MEOX2: variants seen among roughly 807,000 people sequenced by gnomAD.
MEOX2 encodes the protein mesenchyme homeobox 2.
A neutral mutation model predicts 27.0 loss-of-function variants in MEOX2; 11 were observed. The ratio of observed to expected loss-of-function variants is 0.41; its 90% CI spans 0.26 to 0.68. The LOEUF is 0.68. Ranked by LOEUF, MEOX2 falls within the 30% of genes least tolerant of loss-of-function variation. MEOX2 has a pLI of 0.33. For missense variants in MEOX2, 436 were observed against 385.4 expected (o/e 1.13, Z -1.10); for synonymous variants, 189 against 155.4 (o/e 1.22, Z -1.61).
At chr7:15,651,801 G>T (rs1418290324) in intron 1 of MEOX2, among the ~76,000 whole-genome samples, 1 of 151,902 alleles carries the variant, frequency 6.6e-6, no homozygotes, top group Non-Finnish European at 1.5e-5. Flanking sequence ...AACATTTAAT[G>T]GCTTCTACCT....
intron 1 of MEOX2, among the ~76,000 whole-genome samples, chr7:15,635,345 T>C (rs1405169577): frequency 6.6e-6 from 1 of 151,976 alleles, no homozygotes; most frequent in Non-Finnish European, 1.5e-5. Context: ...TGCCATTTAA[T>C]TGTGATACTA....
intron 1 of MEOX2, among the ~76,000 whole-genome samples, chr7:15,640,278 GTGTT>G (rs1374193566): frequency 6.6e-6 from 1 of 151,694 alleles, no homozygotes; most frequent in African/African-American, 2.4e-5. Context: ...GTGTGTGTGT[GTGTT>G]TCTGGCTACC....
At chr7:15,640,071 G>A (rs1178251768) in intron 1 of MEOX2, among the ~76,000 whole-genome samples, 2 of 152,032 alleles carry the variant, frequency 1.3e-5, no homozygotes, top group African/African-American at 4.8e-5. Context: ...ATCACTTTGG[G>A]CAAATATAGT....
intron 2 of MEOX2, among the ~76,000 whole-genome samples, chr7:15,623,820 A>G (rs1171072513): frequency 1.3e-5 from 2 of 152,240 alleles, no homozygotes; most frequent in Non-Finnish European, 2.9e-5. Context: ...GACATTCTAC[A>G]CTCATAACAA....
intron 2 of MEOX2, among the ~76,000 whole-genome samples, chr7:15,619,699 T>C (rs1051640886): frequency 6.6e-6 from 1 of 152,058 alleles, no homozygotes; most frequent in Non-Finnish European, 1.5e-5. Context: ...ACTATACATA[T>C]GTCTACCTAT....
At position 15,612,406 on chromosome 7, in the gene MEOX2, G is replaced by T; in HGVS notation, c.896C>A (p.Ser299Ter). ...TTTATATCATAAGTGCGCATGCTCT[G>T]AGCTGTGGTCACTGTCGTGACTGTC... ...NEDSHDSDHS[S>*]EHAHL Residue 299 changes from serine to a stop codon, truncating the protein, a stop_gained, in exon 3 of 3, where the codon TCA becomes TAA. Transcript: ENST00000262041. LOFTEE classifies it high-confidence loss of function. 6.2e-7 allele frequency: 1 copy of T among 1,614,004 alleles called. No homozygotes were observed. Among genetic ancestry groups the T allele is most frequent in the Non-Finnish European group, 8.5e-7 (1 of 1,179,920 alleles).
At chr7:15,650,870 T>C (rs1381368649) in intron 1 of MEOX2, among the ~76,000 whole-genome samples, 2 of 152,196 alleles carry the variant, frequency 1.3e-5, no homozygotes, top group East Asian at 3.9e-4. Context: ...GCCTGCCTTT[T>C]ATTAAAAGGG....
At chr7:15,661,713 T>C (rs1377518254) in intron 1 of MEOX2, among the ~76,000 whole-genome samples, 1 of 152,088 alleles carries the variant, frequency 6.6e-6, no homozygotes, top group East Asian at 1.9e-4. Context: ...CTGGTAACGA[T>C]TAGGGCAGTG....
At chr7:15,635,691 G>C (rs1489364235) in intron 1 of MEOX2, among the ~76,000 whole-genome samples, 1 of 151,334 alleles carries the variant, frequency 6.6e-6, no homozygotes, top group African/African-American at 2.4e-5. Context: ...GGAAAATTTT[G>C]TTTTTAAAAT....
chr7:15,613,266 A>T (rs1204168704), intron 2 of MEOX2, among the ~76,000 whole-genome samples: 1 of 152,088 alleles, frequency 6.6e-6, no homozygotes, highest in Non-Finnish European at 1.5e-5. Flanking sequence ...TTAAATGCTA[A>T]CACCAAGATT....
rs747111834 is a variant in MEOX2 at position 15,612,445 on chromosome 7, G to C, written c.857C>G (p.Ser286Cys). The change falls in exon 3 of 3, where the codon TCT becomes TGT. Residue 286 changes from serine (S) to cysteine (C), a missense_variant. Transcript: ENST00000262041. ...GAATLQQTGDSIANEDSHDSD... is the reference protein window; with the variant it reads ...GAATLQQTGDCIANEDSHDSD... ...GTCGTGACTGTCTTCATTTGCTATA[G>C]AGTCCCCTGTTTGCTGGAGGGTGGC... The C allele has an allele frequency of 1.2e-6, 2 of 1,614,146 alleles. No homozygotes were observed.
At chr7:15,613,975 G>C (rs1781076963) in intron 2 of MEOX2, among the ~76,000 whole-genome samples, 1 of 151,580 alleles carries the variant, frequency 6.6e-6, no homozygotes, top group Non-Finnish European at 1.5e-5. Flanking sequence ...AATGTATGCT[G>C]TTTCTTTTTC....
intron 1 of MEOX2, among the ~76,000 whole-genome samples, chr7:15,640,526 G>A (rs1339542525): frequency 1.3e-5 from 2 of 151,810 alleles, no homozygotes; most frequent in East Asian, 1.9e-4. Flanking sequence ...TGTTTCTTTC[G>A]CTTGCCCTGC....
chr7:15,640,134 G>C (rs1029829634), intron 1 of MEOX2, among the ~76,000 whole-genome samples: 2 of 151,838 alleles, frequency 1.3e-5, no homozygotes, highest in East Asian at 1.9e-4. Context: ...CCATTTGTTT[G>C]TATTATCTAT....
intron 2 of MEOX2, among the ~76,000 whole-genome samples, chr7:15,624,299 A>G (rs984140306): frequency 1.3e-5 from 2 of 152,234 alleles, no homozygotes; most frequent in African/African-American, 4.8e-5. Flanking sequence ...TATGGAATAA[A>G]AATATATTGT....
chr7:15,656,510 G>A (rs945197521), intron 1 of MEOX2, among the ~76,000 whole-genome samples: 1 of 148,558 alleles, frequency 6.7e-6, no homozygotes, highest in African/African-American at 2.5e-5. Flanking sequence ...TCATGTTTTT[G>A]AGTGTATCTC....
intron 1 of MEOX2, among the ~76,000 whole-genome samples, chr7:15,647,988 C>A (rs1017277944): frequency 1.4e-4 from 21 of 152,032 alleles, no homozygotes; most frequent in African/African-American, 4.8e-4. Flanking sequence ...AGAAGCATTT[C>A]TTTTACTCAT....
chr7:15,637,524 A>G (rs1217998611), intron 1 of MEOX2, among the ~76,000 whole-genome samples: 4 of 151,586 alleles, frequency 2.6e-5, no homozygotes, highest in Non-Finnish European at 5.9e-5. Flanking sequence ...ATACACACAC[A>G]CACACACGCA....
chr7:15,641,837 G>A (rs759092103), intron 1 of MEOX2, among the ~76,000 whole-genome samples: 11 of 151,828 alleles, frequency 7.2e-5, no homozygotes, highest in African/African-American at 2.7e-4. Flanking sequence ...GTGTTTGCTT[G>A]TTTGAAAAAA....
Sources: gnomAD v4.1 joint callset for allele counts (sites outside exome capture counted in the v4.1 genomes callset) on GRCh38, gnomAD v4.1.1 for gene constraint, MANE v1.5 for transcripts, NCBI Gene and HGNC (gene_info 2026-07-23, HGNC 2026-07-21) for gene names.